The following UNC80 variants were observed in gnomAD, a reference collection of about 807,000 sequenced individuals.
The protein encoded by UNC80 is protein unc-80 homolog.
UNC80 carries 164 observed loss-of-function variants against 384.6 expected under a neutral mutation model. That is an observed-to-expected ratio of 0.43 (90% CI 0.38 to 0.49). The LOEUF is 0.49. UNC80 is among the 20% of genes least tolerant of loss of function. The pLI, the probability that UNC80 is intolerant of heterozygous loss-of-function variation, is 0.00. For synonymous variants in UNC80, 1,486 were observed against 1,527.8 expected (o/e 0.97, Z 0.64); for missense variants, 3,330 against 4,143.0 (o/e 0.80, Z 5.39).
intron 26 of UNC80, among the ~76,000 whole-genome samples, chr2:209,892,542 A>C (rs1268853983): frequency 2.0e-5 from 3 of 152,196 alleles, no homozygotes; most frequent in Non-Finnish European, 2.9e-5. Context: ...ACAAGCTCTC[A>C]AAATTAAATT....
intron 58 of UNC80, among the ~76,000 whole-genome samples, chr2:209,977,914 T>C (rs1343781378): frequency 1.3e-5 from 2 of 152,226 alleles, no homozygotes; most frequent in African/African-American, 2.4e-5. Context: ...ATTTGCTTTC[T>C]TTTGAAAGCT....
intron 21 of UNC80, among the ~76,000 whole-genome samples, chr2:209,846,155 A>G (rs1330053895): frequency 6.6e-6 from 1 of 152,170 alleles, no homozygotes; most frequent in Non-Finnish European, 1.5e-5. Context: ...GAGAACAAAC[A>G]TCAAACCTTC....
intron 4 of UNC80, among the ~76,000 whole-genome samples, chr2:209,779,283 C>T (rs1237094649): frequency 6.6e-6 from 1 of 152,128 alleles, no homozygotes; most frequent in African/African-American, 2.4e-5. Flanking sequence ...GTGGGATTCT[C>T]ACCCTCAAAC....
chr2:209,917,943 A>G lies in UNC80; in HGVS notation c.5196A>G (p.Ala1732=), dbSNP rs184372639. 4 of 1,551,700 alleles carry G rather than the reference A, an allele frequency of 2.6e-6. No individual in the cohort carries two copies. The highest frequency in any genetic ancestry group is 2.0e-5 in the Admixed American group (1 of 51,006). ...YQVWPRMEEG[A]QQIFKIPPPS... ...TCTGGCCCCGGATGGAGGAAGGGGC[A>G]CAGCAGATTTTTAAGGTGAGGGATA... Residue 1732 remains alanine (A), a synonymous_variant, in exon 32 of 65, where the codon GCA becomes GCG. Coordinates refer to ENST00000673920, the MANE Select transcript of UNC80 (RefSeq NM_001371986.1).
Position 209,972,210 on chromosome 2 carries a change from G to T in UNC80, c.8266G>T (p.Glu2756Ter). 1 of 1,550,902 alleles carries T rather than the reference G, an allele frequency of 6.4e-7. No homozygotes were observed. Residue 2756 changes from glutamate (E) to a stop codon, truncating the protein, a stop_gained, in exon 55 of 65, where the codon GAA (glutamate) becomes TAA (stop). Transcript: ENST00000673920. LOFTEE classifies it high-confidence loss of function. ...TATTATTGCTGCACAGGCTTTAAAA[G>T]AAGATTTTCCTTTAAGCCATGTGAT... ...LVALQIQALK[E>*]DFPLSHVISP...
At chr2:209,852,886 T>C (rs555325975) in intron 22 of UNC80, among the ~76,000 whole-genome samples, 1 of 152,240 alleles carries the variant, frequency 6.6e-6, no homozygotes, top group South Asian at 2.1e-4. Context: ...TTTACGTGTT[T>C]TTCAATGCAT....
rs528809904 is a variant in UNC80 at position 209,800,026 on chromosome 2, AT to A, written c.938+6175del. 3.7e-3 allele frequency among the ~76,000 whole-genome samples: 568 copies of A among 152,022 alleles called. 1 individual carries two copies. Among genetic ancestry groups the A allele is most frequent in the Non-Finnish European group, 5.9e-3 (398 of 67,922 alleles). ...TGTTCATCAGAGATATTAGCCTGAA[AT>A]TTTTTTTGTTGTGTCTCTTCCTGGT... On this transcript the variant is annotated intron_variant, in intron 7 of 64. Transcript: ENST00000673920.
At chr2:209,916,881 A>G (rs1002056433) in intron 31 of UNC80, among the ~76,000 whole-genome samples, 3 of 152,214 alleles carry the variant, frequency 2.0e-5, no homozygotes, top group Non-Finnish European at 4.4e-5. Flanking sequence ...GCACTTTCTC[A>G]TATATTCTTT....
intron 7 of UNC80, among the ~76,000 whole-genome samples, chr2:209,801,564 G>A (rs1398405567): frequency 6.6e-6 from 1 of 151,328 alleles, no homozygotes; most frequent in African/African-American, 2.4e-5. Context: ...TGTATTTTTA[G>A]TAGAGATGGG....
intron 7 of UNC80, chr2:209,809,007 C>T (rs2079134408): frequency 3.5e-5 from 12 of 345,492 alleles, no homozygotes; most frequent in South Asian, 3.1e-4. Flanking sequence ...GGGCCTCCCT[C>T]CAACTGAGAC....
In UNC80 at chr2:209,976,955, C is replaced by A. The variant is rs942370327; in HGVS notation, c.8815C>A (p.Arg2939=). ...AGAGAATCATGAAGAGCTTTCCGCCCGGCAACATATTGCCGACCAGCTGGA... is the reference window on the plus strand; with the variant it reads ...AGAGAATCATGAAGAGCTTTCCGCCAGGCAACATATTGCCGACCAGCTGGA... ...PAENHEELSA[R]QHIADQLERR... The change falls in exon 58 of 65, where the codon CGG becomes AGG. Residue 2939 remains arginine, a synonymous_variant. Coordinates refer to ENST00000673920, the MANE Select transcript of UNC80 (RefSeq NM_001371986.1). This position sits in a 1 kb window ranked among gnomAD's most constrained non-coding sequence, Gnocchi z 4.3. 6.5e-7 allele frequency: 1 copy of A among 1,529,400 alleles called. No individual in the cohort carries two copies. 94.7% of individuals were successfully genotyped at this position (1,529,400 alleles called of 1,614,324 possible).
intron 56 of UNC80, among the ~76,000 whole-genome samples, chr2:209,975,258 C>T (rs1180733014): frequency 6.6e-6 from 1 of 152,132 alleles, no homozygotes; most frequent in Non-Finnish European, 1.5e-5. Context: ...ATCAAGAAGA[C>T]CCAGGTCACT....
rs550760621 is a variant in UNC80, at chr2:209,783,187, A to G, written c.601-2879A>G. ...AGAAAAGCATCTGAAATGTGGGGATATTGCCTCTACGTGTACTTACACTTC... is the reference window on the plus strand; with the variant it reads ...AGAAAAGCATCTGAAATGTGGGGATGTTGCCTCTACGTGTACTTACACTTC... On this transcript the variant is annotated intron_variant, in intron 4 of 64. Transcript: ENST00000673920. 2.0e-5 allele frequency among the ~76,000 whole-genome samples: 3 copies of G among 152,248 alleles called. No homozygotes were observed. The South Asian group carries it at 6.2e-4, about 32-fold the overall frequency.
intron 60 of UNC80, 44 bp downstream of exon 60, chr2:209,982,361 G>A (rs1261045969): frequency 6.7e-7 from 1 of 1,483,236 alleles, no homozygotes; most frequent in Non-Finnish European, 9.0e-7. Flanking sequence ...TGGGGGCAAA[G>A]TTAGAAATTC....
chr2:209,935,375 A>G (rs1024803530), intron 39 of UNC80, among the ~76,000 whole-genome samples: 7 of 152,156 alleles, frequency 4.6e-5, no homozygotes, highest in Non-Finnish European at 1.0e-4. Context: ...TAATCTCCGC[A>G]CTTTGGGAGG....
At chr2:209,921,162 A>G (rs1034965440) in intron 33 of UNC80, among the ~76,000 whole-genome samples, 3 of 152,220 alleles carry the variant, frequency 2.0e-5, no homozygotes, top group African/African-American at 7.2e-5. Flanking sequence ...AGTTCAAAAC[A>G]TTCTAGAAAG....
At chr2:209,918,698 C>T (rs200352795) in intron 33 of UNC80, 35 bp downstream of exon 33, 9 of 1,487,476 alleles carry the variant, frequency 6.1e-6, no homozygotes, top group African/African-American at 4.2e-5. Context: ...CCATGGTGTA[C>T]GTGTAAAAGA....
chr2:209,970,952 A>T lies in UNC80; in HGVS notation c.8251A>T (p.Ile2751Leu), dbSNP rs2125012023. The T allele has an allele frequency of 1.3e-6, 2 of 1,551,504 alleles. No individual in the cohort carries two copies. Among genetic ancestry groups the T allele is most frequent in the Non-Finnish European group, 1.7e-6 (2 of 1,146,854 alleles). The change falls in exon 54 of 65, where the codon ATA becomes TTA. Residue 2751 changes from isoleucine (I) to leucine (L), a missense_variant. By Grantham distance (5) the Ile-to-Leu change is conservative (BLOSUM62 2). Coordinates refer to ENST00000673920, the MANE Select transcript of UNC80 (RefSeq NM_001371986.1). ...TAVVRLVALQ[I>L]QALKEDFPLS... ...TGTTGTCCGGCTTGTAGCATTGCAG[A>T]TACAGGTGTGACTGCCTTACCTGTT...
intron 4 of UNC80, 38 bp from the exon 5 acceptor site, chr2:209,786,027 AT>A (rs1559086066): frequency 6.2e-7 from 1 of 1,603,772 alleles, no homozygotes; most frequent in South Asian, 1.1e-5. Flanking sequence ...CAGCTGTTAC[AT>A]GTCAGTTATT....
Sources: gnomAD v4.1 joint callset for allele counts (sites outside exome capture counted in the v4.1 genomes callset) on GRCh38, gnomAD v4.1.1 for gene constraint, Gnocchi (gnomAD v3.1) non-coding constraint, MANE v1.5 for transcripts, NCBI Gene and HGNC (gene_info 2026-07-23, HGNC 2026-07-21) for gene names.